Variants in CDKAL1 observed in about 807,000 individuals in gnomAD.
CDKAL1 encodes CDKAL1 threonylcarbamoyladenosine tRNA methylthiotransferase.
In CDKAL1, 32 loss-of-function variants were observed where a neutral mutation model predicts 68.2. The ratio of observed to expected loss-of-function variants is 0.47; its 90% CI spans 0.35 to 0.63. The LOEUF is 0.63. Among genes scored for constraint, CDKAL1 ranks in the 30% least tolerant of loss-of-function variants. The pLI is 0.00. For missense variants in CDKAL1, 606 were observed against 696.7 expected, an observed-to-expected ratio of 0.87 and a Z score of 1.47; for synonymous variants, 234 against 244.3, an observed-to-expected ratio of 0.96 and a Z score of 0.39.
Position 20,613,488 on chromosome 6 carries a change from T to C in CDKAL1, c.287-35805T>C, listed in dbSNP as rs141619863. 1.9e-3 allele frequency among the ~76,000 whole-genome samples: 289 copies of C among 151,128 alleles called. 3 individuals are homozygous for C. Among genetic ancestry groups the C allele is most frequent in the African/African-American group, 6.7e-3 (278 of 41,404 alleles). ...CAGGGTTTCACCATGTTGGCCAGGC[T>C]CGTATCAAATTCCTAGTCTCAAGTG... On this transcript the variant is annotated intron_variant, in intron 4 of 15. Transcript: ENST00000274695.
intron 12 of CDKAL1, among the ~76,000 whole-genome samples, chr6:21,085,741 T>C (rs1178996476): frequency 1.3e-5 from 2 of 152,174 alleles, no homozygotes; most frequent in African/African-American, 2.4e-5. Context: ...TACAGCCGCA[T>C]TGGCCCTTGG....
intron 4 of CDKAL1, among the ~76,000 whole-genome samples, chr6:20,587,845 C>T (rs1370130955): frequency 6.6e-6 from 1 of 152,080 alleles, no homozygotes; most frequent in Non-Finnish European, 1.5e-5. Flanking sequence ...CTTGTAATCC[C>T]AGCACTTTGG....
intron 10 of CDKAL1, among the ~76,000 whole-genome samples, chr6:20,979,747 T>A (rs1275623790): frequency 2.0e-5 from 3 of 150,534 alleles, no homozygotes; most frequent in African/African-American, 7.4e-5. Context: ...TGATTTATAT[T>A]GATATTAAAA....
At chr6:20,838,377 C>CT (rs1469711018) in intron 8 of CDKAL1, among the ~76,000 whole-genome samples, 1 of 152,026 alleles carries the variant, frequency 6.6e-6, no homozygotes, top group Non-Finnish European at 1.5e-5. Context: ...AACCAGGTGT[C>CT]TATGTCACAA....
At chr6:21,200,579 G>C (rs1778648269) in intron 14 of CDKAL1, among the ~76,000 whole-genome samples, 1 of 152,154 alleles carries the variant, frequency 6.6e-6, no homozygotes, top group Non-Finnish European at 1.5e-5. Context: ...AAAAGTATAA[G>C]GCTTTCATCA....
intron 4 of CDKAL1, among the ~76,000 whole-genome samples, chr6:20,572,760 ATAG>A (rs1453890445): frequency 6.6e-6 from 1 of 151,926 alleles, no homozygotes; most frequent in Admixed American, 6.6e-5. Context: ...GCCTGGCAAG[ATAG>A]TAGTCTAATT....
intron 13 of CDKAL1, among the ~76,000 whole-genome samples, chr6:21,133,344 G>C (rs1024808365): frequency 6.6e-6 from 1 of 152,088 alleles, no homozygotes; most frequent in Non-Finnish European, 1.5e-5. Context: ...TTAGGGACAG[G>C]CTGTTGGTTT....
intron 8 of CDKAL1, among the ~76,000 whole-genome samples, chr6:20,835,789 A>G (rs1777914046): frequency 6.6e-6 from 1 of 151,976 alleles, no homozygotes; most frequent in Non-Finnish European, 1.5e-5. Flanking sequence ...ACCTCAAGTG[A>G]TCCACCTGCC....
intron 9 of CDKAL1, among the ~76,000 whole-genome samples, chr6:20,941,921 A>G (rs796635169): frequency 2.8e-4 from 43 of 152,356 alleles, no homozygotes; most frequent in African/African-American, 7.9e-4. Context: ...TTTCAAAATG[A>G]CATTCTGCTT....
chr6:20,571,711 G>A (rs1437289395), intron 4 of CDKAL1, among the ~76,000 whole-genome samples: 1 of 151,810 alleles, frequency 6.6e-6, no homozygotes, highest in Admixed American at 6.6e-5. Context: ...CTGAGCTAGA[G>A]AGTAATTTTG....
chr6:21,134,764 A>G (rs1775498779), intron 13 of CDKAL1, among the ~76,000 whole-genome samples: 2 of 152,176 alleles, frequency 1.3e-5, no homozygotes, highest in Non-Finnish European at 2.9e-5. Flanking sequence ...ATAAAATGTA[A>G]TGCAGGGATT....
intron 5 of CDKAL1, among the ~76,000 whole-genome samples, chr6:20,688,796 G>A (rs780499500): frequency 1.6e-4 from 24 of 152,162 alleles, no homozygotes; most frequent in Admixed American, 2.0e-4. Context: ...GATGCTTTTA[G>A]TACACCTTGC....
intron 4 of CDKAL1, among the ~76,000 whole-genome samples, chr6:20,550,647 A>T (rs1159389487): frequency 6.6e-6 from 1 of 151,876 alleles, no homozygotes; most frequent in Non-Finnish European, 1.5e-5. Flanking sequence ...CTCTTGGGGG[A>T]TGGAGCTAGG....
At chr6:21,081,824 C>T (rs1242997553) in intron 12 of CDKAL1, among the ~76,000 whole-genome samples, 1 of 151,966 alleles carries the variant, frequency 6.6e-6, no homozygotes, top group Non-Finnish European at 1.5e-5. Context: ...GTAATCCACC[C>T]ACCTCAGCCT....
chr6:20,876,113 G>A (rs1440072977), intron 9 of CDKAL1, among the ~76,000 whole-genome samples: 1 of 152,236 alleles, frequency 6.6e-6, no homozygotes, highest in African/African-American at 2.4e-5. Context: ...TTTACCATCT[G>A]TAATGAATTA....
intron 7 of CDKAL1, among the ~76,000 whole-genome samples, chr6:20,777,980 A>C (rs554143925): frequency 6.6e-6 from 1 of 152,386 alleles, no homozygotes; most frequent in Non-Finnish European, 1.5e-5. Flanking sequence ...TGTGGAAAGC[A>C]AAACCACAGA....
intron 5 of CDKAL1, among the ~76,000 whole-genome samples, chr6:20,691,921 A>G (rs1190078593): frequency 6.6e-6 from 1 of 151,982 alleles, no homozygotes; most frequent in African/African-American, 2.4e-5. Flanking sequence ...CAATTTTTCT[A>G]CAGTAAAGTA....
intron 5 of CDKAL1, among the ~76,000 whole-genome samples, chr6:20,697,361 G>A (rs17824500): frequency 1.3e-5 from 2 of 152,036 alleles, no homozygotes; most frequent in Admixed American, 6.5e-5. Flanking sequence ...CAAGGAAATT[G>A]TATCTCCTAC....
intron 4 of CDKAL1, among the ~76,000 whole-genome samples, chr6:20,551,786 TAC>T (rs1763842185): frequency 1.3e-5 from 2 of 152,186 alleles, no homozygotes; most frequent in Admixed American, 6.5e-5. Context: ...CTTTCAGAAT[TAC>T]TTCTCTATAT....
Sources: gnomAD v4.1 joint callset for allele counts (sites outside exome capture counted in the v4.1 genomes callset) on GRCh38, gnomAD v4.1.1 for gene constraint, MANE v1.5 for transcripts, NCBI Gene and HGNC (gene_info 2026-07-23, HGNC 2026-07-21) for gene names.